Variants in TCF3 observed in about 807,000 individuals in gnomAD.
TCF3 encodes the protein transcription factor E2-alpha.
TCF3 carries 54 observed loss-of-function variants against 72.3 expected under a neutral mutation model. The observed-to-expected ratio is 0.75, with a 90% CI of 0.60 to 0.94. The LOEUF (loss-of-function observed/expected upper bound fraction) is 0.94, where lower values mean the gene tolerates loss of function less well. Ranked by LOEUF, TCF3 falls within the 40% of genes least tolerant of loss-of-function variation. The pLI, the probability that TCF3 is intolerant of heterozygous loss-of-function variation, is 0.00. For synonymous variants in TCF3, 525 were observed against 412.6 expected (o/e 1.27, Z -3.30); for missense variants, 1,078 against 934.4 (o/e 1.15, Z -2.00).
At chr19:1,646,281 T>C in intron 3 of TCF3, 74 bp downstream of exon 3, 2 of 1,454,566 alleles carry the variant, frequency 1.4e-6, no homozygotes, top group South Asian at 1.3e-5. Context: ...CCAGCCTCCC[T>C]CGCCCGCACA....
At chr19:1,651,428 T>C (rs1197552279) in intron 1 of TCF3, 5 of 225,766 alleles carry the variant, frequency 2.2e-5, no homozygotes, top group Non-Finnish European at 3.5e-5. Context: ...TTTTTCTTTT[T>C]TGGAGGGCGT....
rs1247126510 is a variant in TCF3 at position 1,637,562 on chromosome 19, C to T, written c.146-5157G>A. ...CTTGCTTCCATGTCTATGGGCATCA[C>T]CAGTGACACCTGAGTGTGGGGACCG... On this transcript the variant is annotated intron_variant, in intron 3 of 18. Transcript: ENST00000262965. 2.0e-5 allele frequency among the ~76,000 whole-genome samples: 3 copies of T among 152,200 alleles called. No individual in the cohort carries two copies. The East Asian group carries it at 5.8e-4, about 29-fold the overall frequency.
At chr19:1,618,851 T>C (rs957957866) in intron 16 of TCF3, among the ~76,000 whole-genome samples, 1 of 152,178 alleles carries the variant, frequency 6.6e-6, no homozygotes, top group Non-Finnish European at 1.5e-5. Context: ...TCCCCAGTGC[T>C]GAGCGCTGCC....
At position 1,615,608 on chromosome 19, in the gene TCF3, G is replaced by A. The variant is rs760169597; in HGVS notation, c.1586+78C>T. On this transcript the variant is annotated intron_variant, in intron 17 of 18. Coordinates refer to ENST00000262965, the MANE Select transcript of TCF3 (RefSeq NM_003200.5). The surrounding 1 kb of genome is among the most constrained non-coding windows in gnomAD (Gnocchi z 7.3). Reference sequence around the variant, plus strand: ...GCCCGCCGACGGCCTCCCAGTGTGGGTGCGGTGTGCGTGTGGCCTGTGCAC... The same window carrying A: ...GCCCGCCGACGGCCTCCCAGTGTGGATGCGGTGTGCGTGTGGCCTGTGCAC... 1.2e-6 allele frequency: 2 copies of A among 1,609,114 alleles called. No homozygotes were observed. The highest frequency in any genetic ancestry group is 1.7e-6 in the Non-Finnish European group (2 of 1,179,766).
At chr19:1,619,622 G>A (rs2061933039) in intron 14 of TCF3, 148 bp from the exon 15 acceptor site, 8 of 1,327,034 alleles carry the variant, frequency 6.0e-6, no homozygotes, top group African/African-American at 5.9e-5. Flanking sequence ...GCGCCCGGGA[G>A]CACACACAAA....
chr19:1,612,703 C>T (rs543681112), intron 18 of TCF3, among the ~76,000 whole-genome samples: 4 of 130,314 alleles, frequency 3.1e-5, no homozygotes, highest in East Asian at 2.3e-4. Context: ...GGCAGCAGTG[C>T]GGGTACACGG....
At chr19:1,636,897 G>A (rs749324077) in intron 3 of TCF3, among the ~76,000 whole-genome samples, 3 of 152,148 alleles carry the variant, frequency 2.0e-5, no homozygotes, top group Non-Finnish European at 1.5e-5. Flanking sequence ...GCCCGCCCGC[G>A]AGCAGACAAA....
Position 1,615,836 on chromosome 19 carries a change from G to T in TCF3, c.1451-15C>A, listed in dbSNP as rs1267383965. ...TCGCCCTAGCCCTGCAACAGGCCTAGGGTCAGGGGCCTGCGTCGGCCTCCA... is the reference window on the plus strand; with the variant it reads ...TCGCCCTAGCCCTGCAACAGGCCTATGGTCAGGGGCCTGCGTCGGCCTCCA... On this transcript the variant is annotated splice_polypyrimidine_tract_variant and intron_variant, in intron 16 of 18. Coordinates refer to ENST00000262965, the MANE Select transcript of TCF3 (RefSeq NM_003200.5). The surrounding 1 kb of genome is among the most constrained non-coding windows in gnomAD (Gnocchi z 7.3). 1 of 1,525,878 alleles carries T rather than the reference G, an allele frequency of 6.6e-7. No homozygotes were observed. The highest frequency in any genetic ancestry group is 1.4e-5 in the African/African-American group (1 of 72,478). The allele number at this position is 1,525,878 out of a possible 1,614,324, so 94.5% of individuals were successfully genotyped here.
intron 8 of TCF3, among the ~76,000 whole-genome samples, chr19:1,623,231 C>G (rs529172086): frequency 3.9e-5 from 6 of 152,178 alleles, no homozygotes; most frequent in Admixed American, 2.6e-4. Context: ...GCCAGGGAAT[C>G]GGCAAATTCC....
intron 3 of TCF3, among the ~76,000 whole-genome samples, chr19:1,642,257 C>T (rs1301753754): frequency 6.9e-5 from 8 of 115,220 alleles, no homozygotes; most frequent in South Asian, 4.1e-4. Context: ...CACACACGTG[C>T]GCACACACGC....
chr19:1,641,230 C>T (rs2065196868), intron 3 of TCF3, among the ~76,000 whole-genome samples: 1 of 151,972 alleles, frequency 6.6e-6, no homozygotes, highest in South Asian at 2.1e-4. Flanking sequence ...AACAGCTTGG[C>T]TGGATCTCCA....
chr19:1,619,261 CA>C (rs772588780), intron 15 of TCF3, 27 bp from the exon 16 acceptor site: 8 of 1,576,900 alleles, frequency 5.1e-6, no homozygotes, highest in Admixed American at 1.7e-5. Context: ...ACGGGTGCAT[CA>C]GGGGGAGCCG....
In TCF3 at chr19:1,636,481, T is replaced by C. The variant is rs538091241; in HGVS notation, c.146-4076A>G. ...TGGTGAATTTAAAAAAATTTTTTTG[T>C]AGAGATGGGGTCTCACTACATTGCC... On this transcript the variant is annotated intron_variant, in intron 3 of 18. Transcript: ENST00000262965. Among the ~76,000 whole-genome samples the C allele has an allele frequency of 1.1e-4, 16 of 152,216 alleles. No homozygotes were observed. The East Asian group carries it at 2.9e-3, about 28-fold the overall frequency.
In TCF3 at chr19:1,652,363, C is replaced by G. The variant is rs2145869740; in HGVS notation, c.-103G>C. On this transcript the variant is annotated 5_prime_UTR_variant, in exon 1 of 19. Coordinates refer to ENST00000262965, the MANE Select transcript of TCF3 (RefSeq NM_003200.5). ...GCGGCGGCATGAAGCGGGGGGGCCC[C>G]CCCCCGGACAAAGGTGCGTCGCGGC... 1 of 143,808 alleles carries G rather than the reference C, an allele frequency of 7.0e-6. No individual in the cohort carries two copies. Among genetic ancestry groups the G allele is most frequent in the South Asian group, 2.1e-4 (1 of 4,800 alleles). 8.9% of individuals were successfully genotyped at this position (143,808 alleles called of 1,614,324 possible).
intron 8 of TCF3, 121 bp from the exon 9 acceptor site, chr19:1,622,536 G>A: frequency 1.8e-6 from 1 of 551,142 alleles, no homozygotes; most frequent in East Asian, 3.2e-5. Flanking sequence ...TCCCTTCCCT[G>A]TAAAGCCACC....
chr19:1,625,728 C>A lies in TCF3; in HGVS notation c.367-20G>T. The A allele has an allele frequency of 6.8e-7, 1 of 1,479,798 alleles. No individual in the cohort carries two copies. Among genetic ancestry groups the A allele is most frequent in the South Asian group, 1.3e-5 (1 of 74,728 alleles). 91.7% of individuals were successfully genotyped at this position (1,479,798 alleles called of 1,614,324 possible). ...GCCAGCCTGGTGGGGAGCGGATGGT[C>A]AGAAAGCGCCCAGCTGGCATCCAGA... is the stretch of plus-strand genomic sequence containing the variant. On this transcript the variant is annotated intron_variant, in intron 6 of 18. Transcript: ENST00000262965.
intron 2 of TCF3, among the ~76,000 whole-genome samples, chr19:1,647,622 C>A (rs563743917): frequency 6.6e-6 from 1 of 152,200 alleles, no homozygotes; most frequent in Admixed American, 6.5e-5. Flanking sequence ...CCGCAGGCTC[C>A]GGTGCACCCA....
At chr19:1,648,249 G>A (rs561778149) in intron 2 of TCF3, among the ~76,000 whole-genome samples, 90 of 152,368 alleles carry the variant, frequency 5.9e-4, no homozygotes, top group Middle Eastern at 3.4e-3. Flanking sequence ...AGGGGCAGAA[G>A]GCAGGCATGC....
chr19:1,619,096 A>C lies in TCF3; in HGVS notation c.1450+15T>G. 1.3e-6 allele frequency: 2 copies of C among 1,599,094 alleles called. No homozygotes were observed. Among genetic ancestry groups the C allele is most frequent in the Non-Finnish European group, 1.7e-6 (2 of 1,179,652 alleles). On this transcript the variant is annotated intron_variant, in intron 16 of 18. Coordinates refer to ENST00000262965, the MANE Select transcript of TCF3 (RefSeq NM_003200.5). The stretch of plus-strand genomic sequence containing the variant: ...TGGAACCAGGAGTCGGACAGTCCCA[A>C]GCTCAAGGGCTTACCACTGTAGGAG...
Sources: gnomAD v4.1 joint callset for allele counts (sites outside exome capture counted in the v4.1 genomes callset) on GRCh38, gnomAD v4.1.1 for gene constraint, Gnocchi (gnomAD v3.1) non-coding constraint, MANE v1.5 for transcripts, NCBI Gene and HGNC (gene_info 2026-07-23, HGNC 2026-07-21) for gene names.